The following COL22A1 variants were observed in gnomAD, a reference collection of about 807,000 sequenced individuals.
COL22A1 encodes the protein collagen alpha-1(XXII) chain.
A neutral mutation model predicts 248.9 loss-of-function variants in COL22A1; 221 were observed. The ratio of observed to expected loss-of-function variants is 0.89; its 90% confidence interval spans 0.80 to 0.99. The LOEUF is 0.99. COL22A1 is among the 50% of genes least tolerant of loss of function. The pLI, the probability that COL22A1 is intolerant of heterozygous loss-of-function variation, is 0.00. For missense variants in COL22A1, 2,240 were observed against 2,179.0 expected (o/e 1.03, Z -0.56); for synonymous variants, 891 against 793.4 (o/e 1.12, Z -2.07).
intron 52 of COL22A1, chr8:138,620,156 A>G (rs986814229): frequency 1.3e-5 from 2 of 152,376 alleles, no homozygotes; most frequent in Non-Finnish European, 2.9e-5. Context: ...ACAGAAGACA[A>G]TAAGAGGCTT....
rs565330350 is a variant in COL22A1, at chr8:138,778,461, G to A, written c.1705-55C>T. The stretch of plus-strand genomic sequence containing the variant: ...TCAGGGATGGAAAAGAAAGGCAAGT[G>A]CAGCCGTACAGCTCAGCCAGTCCCA... On this transcript the variant is annotated intron_variant, in intron 14 of 64. Coordinates refer to ENST00000303045, the MANE Select transcript of COL22A1 (RefSeq NM_152888.3). 2.6e-5 allele frequency: 38 copies of A among 1,483,728 alleles called. 1 individual carries two copies. In the Admixed American group the frequency reaches 5.8e-4, roughly 23 times the overall value. 91.9% of individuals were successfully genotyped at this position (1,483,728 alleles called of 1,614,324 possible). A position where few individuals can be genotyped will look rare whatever the true frequency, so the allele number is the denominator to read the frequency against.
In COL22A1 at chr8:138,831,369, G is replaced by A. The variant is rs35431792; in HGVS notation, c.845+1670C>T. ...TCTGGGCAGGGCTTAGTTGGGTGCC[G>A]AGACTGTAGCAGAAACCAAGACTCA... On this transcript the variant is annotated intron_variant, in intron 5 of 64. Coordinates refer to ENST00000303045, the MANE Select transcript of COL22A1 (RefSeq NM_152888.3). Among the ~76,000 whole-genome samples, 449 of 152,288 alleles carry A rather than the reference G, an allele frequency of 2.9e-3. 4 individuals carry two copies. Among genetic ancestry groups the A allele is most frequent in the Non-Finnish European group, 4.0e-3 (271 of 68,016 alleles).
chr8:138,858,360 CTTTGT>C (rs759263563), intron 3 of COL22A1, among the ~76,000 whole-genome samples: 78 of 152,066 alleles, frequency 5.1e-4, no homozygotes, highest in Admixed American at 2.0e-3. Flanking sequence ...TTTTCTTTTT[CTTTGT>C]TTTGTTTTGT....
At chr8:138,900,914 C>T (rs1159449636) in intron 1 of COL22A1, among the ~76,000 whole-genome samples, 1 of 152,060 alleles carries the variant, frequency 6.6e-6, no homozygotes, top group Non-Finnish European at 1.5e-5. Flanking sequence ...ACAAAAAAAG[C>T]AGGGTCATGT....
intron 44 of COL22A1, among the ~76,000 whole-genome samples, chr8:138,660,096 G>A (rs781454145): frequency 2.0e-5 from 3 of 152,010 alleles, no homozygotes; most frequent in African/African-American, 7.2e-5. Context: ...TGCCCAACTC[G>A]AGGCACTGTT....
chr8:138,863,154 C>T (rs890272404), intron 3 of COL22A1, among the ~76,000 whole-genome samples: 4 of 152,326 alleles, frequency 2.6e-5, no homozygotes, highest in African/African-American at 9.6e-5. Context: ...TCAGTGCAGG[C>T]TTGCCGGCTC....
chr8:138,861,344 A>G (rs1470320316), intron 3 of COL22A1, among the ~76,000 whole-genome samples: 1 of 152,242 alleles, frequency 6.6e-6, no homozygotes, highest in East Asian at 1.9e-4. Flanking sequence ...TTGAACTTAC[A>G]GAGGGCTTAA....
chr8:138,877,950 C>T lies in COL22A1; in HGVS notation c.458G>A (p.Arg153His), dbSNP rs752661009. ...KQVAILLTDGRSQDLVLDAAA... is the reference protein window; with the variant it reads ...KQVAILLTDGHSQDLVLDAAA... ...GGCGTCCAGCACCAGGTCCTGGCTG[C>T]GGCCGTCGGTGAGCAGGATGGCCAC... The change falls in exon 3 of 65, where the codon CGC becomes CAC. Residue 153 changes from arginine (R) to histidine (H), a missense_variant. Coordinates refer to ENST00000303045, the MANE Select transcript of COL22A1 (RefSeq NM_152888.3). 1.3e-6 allele frequency: 2 copies of T among 1,596,788 alleles called. No homozygotes were observed. The highest frequency in any genetic ancestry group is 1.1e-5 in the South Asian group (1 of 88,934).
intron 38 of COL22A1, 31 bp from the exon 39 acceptor site, chr8:138,684,500 T>C (rs1429321111): frequency 6.4e-7 from 1 of 1,557,878 alleles, no homozygotes; most frequent in Non-Finnish European, 8.9e-7. Flanking sequence ...AGGACAATCA[T>C]GGAGCTGAGA....
chr8:138,624,207 A>G (rs1056249692), intron 51 of COL22A1, among the ~76,000 whole-genome samples: 2 of 152,146 alleles, frequency 1.3e-5, no homozygotes, highest in Non-Finnish European at 2.9e-5. Flanking sequence ...AACACGCAGG[A>G]AGGTACTCAG....
At chr8:138,897,534 C>A (rs889940130) in intron 1 of COL22A1, among the ~76,000 whole-genome samples, 7 of 144,518 alleles carry the variant, frequency 4.8e-5, no homozygotes, top group Admixed American at 3.6e-4. Flanking sequence ...AGTGACAGAG[C>A]GAGACTCTGT....
At chr8:138,680,465 GC>G (rs1825873655) in intron 39 of COL22A1, among the ~76,000 whole-genome samples, 1 of 152,198 alleles carries the variant, frequency 6.6e-6, no homozygotes, top group African/African-American at 2.4e-5. Flanking sequence ...TACTTATCCT[GC>G]TAGAAACAAG....
At chr8:138,821,617 A>G (rs1476384529) in intron 6 of COL22A1, among the ~76,000 whole-genome samples, 1 of 152,162 alleles carries the variant, frequency 6.6e-6, no homozygotes, top group African/African-American at 2.4e-5. Flanking sequence ...CAATGGTGTT[A>G]ATGATGTCTA....
intron 7 of COL22A1, among the ~76,000 whole-genome samples, chr8:138,814,726 T>C (rs992545386): frequency 1.3e-5 from 2 of 152,162 alleles, no homozygotes; most frequent in Non-Finnish European, 2.9e-5. Flanking sequence ...GCTAAGCCAC[T>C]CTCAGATTCC....
intron 9 of COL22A1, among the ~76,000 whole-genome samples, chr8:138,809,528 C>CTTTTTTTTTTTTTTTT (rs71518485): frequency 4.3e-5 from 5 of 117,628 alleles, no homozygotes; most frequent in Non-Finnish European, 5.3e-5. Flanking sequence ...TTTTCTTTTT[C>CTTTTTTTTTTTTTTTT]TTTTTTTTTT....
At chr8:138,611,947 C>T (rs534220856) in intron 56 of COL22A1, among the ~76,000 whole-genome samples, 28 of 152,342 alleles carry the variant, frequency 1.8e-4, no homozygotes, top group Middle Eastern at 3.4e-3. Flanking sequence ...AGCTGCATGA[C>T]CTAGACTTGG....
intron 31 of COL22A1, 51 bp from the exon 32 acceptor site, chr8:138,700,195 G>A (rs1395347656): frequency 2.5e-6 from 4 of 1,586,208 alleles, no homozygotes; most frequent in Admixed American, 3.4e-5. Flanking sequence ...GGAACCCAGT[G>A]TTTCATTTTT....
intron 54 of COL22A1, 61 bp from the exon 55 acceptor site, chr8:138,616,115 C>G: frequency 7.3e-7 from 1 of 1,364,220 alleles, no homozygotes; most frequent in East Asian, 2.3e-5. Flanking sequence ...CTGTCTCAAC[C>G]ACAGGGGCAC....
At chr8:138,759,936 C>CT (rs571964033) in intron 18 of COL22A1, among the ~76,000 whole-genome samples, 42 of 151,646 alleles carry the variant, frequency 2.8e-4, no homozygotes, top group African/African-American at 9.7e-4. Flanking sequence ...CACTGTAATG[C>CT]TTTTTTACAT....
Sources: gnomAD v4.1 joint callset for allele counts (sites outside exome capture counted in the v4.1 genomes callset) on GRCh38, gnomAD v4.1.1 for gene constraint, MANE v1.5 for transcripts, NCBI Gene and HGNC (gene_info 2026-07-23, HGNC 2026-07-21) for gene names.